The following STK32A variants were observed in gnomAD, a reference collection of about 807,000 sequenced individuals.
STK32A encodes serine/threonine-protein kinase 32A.
In STK32A, 41 loss-of-function variants were observed where a neutral mutation model predicts 53.2. The observed-to-expected ratio is 0.77, with a 90% CI of 0.60 to 1.00. The LOEUF (loss-of-function observed/expected upper bound fraction) is 1.00. Ranked by LOEUF, STK32A falls within the 50% of genes least tolerant of loss-of-function variation. STK32A has a pLI of 0.00. For synonymous variants in STK32A, 166 were observed against 162.8 expected, an observed-to-expected ratio of 1.02 and a Z score of -0.15; for missense variants, 458 against 485.8, an observed-to-expected ratio of 0.94 and a Z score of 0.54.
intron 2 of STK32A, among the ~76,000 whole-genome samples, chr5:147,244,398 T>A (rs1368283): frequency 0.78 from 119,224 of 152,188 alleles, 47,135 homozygotes; most frequent in African/African-American, 0.87. Flanking sequence ...ATATACCTAG[T>A]AGTGGAAGCA....
chr5:147,287,911 A>G (rs753956751), intron 4 of STK32A, among the ~76,000 whole-genome samples: 11 of 151,172 alleles, frequency 7.3e-5, no homozygotes, highest in Non-Finnish European at 1.3e-4. Context: ...TTACCTTCTC[A>G]TATTTGTCTT....
At chr5:147,262,162 C>T (rs1359830955) in intron 2 of STK32A, among the ~76,000 whole-genome samples, 1 of 152,104 alleles carries the variant, frequency 6.6e-6, no homozygotes, top group African/African-American at 2.4e-5. Flanking sequence ...GTGAGAAAAC[C>T]TGTCCTGGTT....
rs1457897723 is a variant in STK32A at position 147,373,156 on chromosome 5, A to G, written c.778-13A>G. On this transcript the variant is annotated splice_polypyrimidine_tract_variant and intron_variant, in intron 9 of 12. Transcript: ENST00000397936. ...CCTTTCTTATGGCCTTGATGTTTGCATTTTATTGGCAGCTACTCGAACCTA... is the reference window on the plus strand; with the variant it reads ...CCTTTCTTATGGCCTTGATGTTTGCGTTTTATTGGCAGCTACTCGAACCTA... 2 of 1,612,468 alleles carry G rather than the reference A, an allele frequency of 1.2e-6. No individual in the cohort carries two copies. The highest frequency in any genetic ancestry group is 1.7e-6 in the Non-Finnish European group (2 of 1,179,278).
intron 9 of STK32A, among the ~76,000 whole-genome samples, chr5:147,371,173 A>G (rs1304615056): frequency 6.6e-6 from 1 of 151,896 alleles, no homozygotes; most frequent in Non-Finnish European, 1.5e-5. Flanking sequence ...CCTCACTACT[A>G]TTTCCCTGAT....
At chr5:147,363,721 T>A (rs550449603) in intron 8 of STK32A, among the ~76,000 whole-genome samples, 78 of 152,352 alleles carry the variant, frequency 5.1e-4, no homozygotes, top group African/African-American at 1.9e-3. Context: ...GCTTCTGTTG[T>A]GATAACTACT....
rs1227830308 is a variant in STK32A at position 147,384,735 on chromosome 5, C to G, written c.*752C>G. On this transcript the variant is annotated 3_prime_UTR_variant, in exon 13 of 13. Transcript: ENST00000397936. ...TAACAAGTGAATTGCTAAATATTAG[C>G]CCACCACTCCTTCCAAGAAGCATGT... 2.0e-5 allele frequency: 6 copies of G among 300,458 alleles called. No individual in the cohort carries two copies. Among genetic ancestry groups the G allele is most frequent in the African/African-American group, 6.5e-5 (3 of 46,268 alleles). 18.6% of individuals were successfully genotyped at this position (300,458 alleles called of 1,614,324 possible). A position where few individuals can be genotyped will look rare whatever the true frequency, so the allele number is the denominator to read the frequency against.
intron 11 of STK32A, 50 bp from the exon 12 acceptor site, chr5:147,383,391 C>A: frequency 6.8e-7 from 1 of 1,477,796 alleles, no homozygotes; most frequent in South Asian, 1.2e-5. Flanking sequence ...TGAAGATTCT[C>A]ATTTGTCTGC....
At position 147,298,859 on chromosome 5, in the gene STK32A, A is replaced by G. The variant is rs914123885; in HGVS notation, c.260+19461A>G. On this transcript the variant is annotated intron_variant, in intron 4 of 12. Coordinates refer to ENST00000397936, the MANE Select transcript of STK32A (RefSeq NM_001112724.2). ...GTCTTTCAGTAGAGTTTCAATTCCA[A>G]TCCCGCAGAGTTAAGAATGTGTATG... is the stretch of plus-strand genomic sequence containing the variant. Among the ~76,000 whole-genome samples, 4 of 152,326 alleles carry G rather than the reference A, an allele frequency of 2.6e-5. No individual in the cohort carries two copies. The South Asian group carries it at 6.2e-4, about 24-fold the overall frequency.
chr5:147,275,812 A>T (rs1755232579), intron 2 of STK32A, among the ~76,000 whole-genome samples: 1 of 152,166 alleles, frequency 6.6e-6, no homozygotes, highest in Non-Finnish European at 1.5e-5. Context: ...GGGAGGTCAC[A>T]TTTAGTTAAA....
intron 4 of STK32A, among the ~76,000 whole-genome samples, chr5:147,305,002 G>T (rs2151967936): frequency 6.6e-6 from 1 of 152,090 alleles, no homozygotes; most frequent in East Asian, 1.9e-4. Flanking sequence ...GGAGGCTGAG[G>T]TGGGAGGATC....
intron 1 of STK32A, among the ~76,000 whole-genome samples, chr5:147,236,774 A>G (rs1199309193): frequency 6.6e-6 from 1 of 152,166 alleles, no homozygotes; most frequent in African/African-American, 2.4e-5. Context: ...ATTCTGAAAC[A>G]TGGAAAATTG....
chr5:147,329,837 G>A (rs1272295654), intron 5 of STK32A, among the ~76,000 whole-genome samples: 1 of 152,220 alleles, frequency 6.6e-6, no homozygotes, highest in Admixed American at 6.5e-5. Context: ...CTAAACTAGA[G>A]TGCTTGCTGG....
At chr5:147,393,874 A>T in the STK32A span, 1 of 719,926 alleles carries the variant, frequency 1.4e-6, no homozygotes, top group Non-Finnish European at 2.3e-6. Context: ...TCGTAAAGCT[A>T]GGCAAGCGAG....
chr5:147,280,601 C>CA lies in STK32A; in HGVS notation c.260+1203_260+1204insA, dbSNP rs1752018388. On this transcript the variant is annotated intron_variant, in intron 4 of 12. Transcript: ENST00000397936. ...TACACAACTCCAGTGACCTGGGAAT[C>CA]CCACCCCCATTCCCCACAGCAGCAG... Among the ~76,000 whole-genome samples, 3 of 148,874 alleles carry CA rather than the reference C, an allele frequency of 2.0e-5. No homozygotes were observed. In the South Asian group the frequency reaches 6.6e-4, roughly 33 times the overall value.
chr5:147,262,247 C>A (rs762772735), intron 2 of STK32A, among the ~76,000 whole-genome samples: 2 of 152,126 alleles, frequency 1.3e-5, no homozygotes, highest in Non-Finnish European at 2.9e-5. Flanking sequence ...GGAGAGTGAG[C>A]TTTACCCTTC....
At chr5:147,251,066 A>C (rs565766671) in intron 2 of STK32A, among the ~76,000 whole-genome samples, 2 of 152,308 alleles carry the variant, frequency 1.3e-5, no homozygotes, top group East Asian at 3.9e-4. Context: ...GCTAAATGTA[A>C]TATAATGGAT....
intron 8 of STK32A, among the ~76,000 whole-genome samples, chr5:147,367,902 T>C (rs1470793441): frequency 6.6e-6 from 1 of 152,166 alleles, no homozygotes; most frequent in Non-Finnish European, 1.5e-5. Flanking sequence ...ATGTAGCTTA[T>C]CTGAAGAAAA....
chr5:147,259,330 G>A (rs909970958), intron 2 of STK32A, among the ~76,000 whole-genome samples: 11 of 152,086 alleles, frequency 7.2e-5, no homozygotes, highest in Non-Finnish European at 1.6e-4. Flanking sequence ...CCTTCTGTTA[G>A]CAAAGCAGTT....
intron 11 of STK32A, among the ~76,000 whole-genome samples, chr5:147,378,436 A>G (rs1757315650): frequency 6.6e-6 from 1 of 152,172 alleles, no homozygotes; most frequent in Admixed American, 6.6e-5. Context: ...AAGGCTTGTG[A>G]CATTACTCAT....
Sources: allele counts gnomAD v4.1 joint callset (sites outside exome capture counted in the v4.1 genomes callset), GRCh38; gene constraint gnomAD v4.1.1; transcripts MANE v1.5; gene names NCBI Gene and HGNC (gene_info 2026-07-23, HGNC 2026-07-21).